The following PIP5K1C variants were observed in gnomAD, a reference collection of about 807,000 sequenced individuals.
PIP5K1C encodes phosphatidylinositol-4-phosphate 5-kinase type 1 gamma, also known as phosphatidylinositol 4-phosphate 5-kinase type-1 gamma.
In PIP5K1C, 45 loss-of-function variants were observed where a neutral mutation model predicts 80.1. The ratio of observed to expected loss-of-function variants is 0.56; its 90% confidence interval spans 0.44 to 0.72. The LOEUF is 0.72. PIP5K1C is among the 30% of genes least tolerant of loss of function. The pLI is 0.00. For missense variants in PIP5K1C, 753 were observed against 954.6 expected, an observed-to-expected ratio of 0.79 and a Z score of 2.78; for synonymous variants, 498 against 420.1, an observed-to-expected ratio of 1.19 and a Z score of -2.27.
At chr19:3,658,201 G>A (rs1251682202) in intron 5 of PIP5K1C, among the ~76,000 whole-genome samples, 1 of 152,254 alleles carries the variant, frequency 6.6e-6, no homozygotes, top group Non-Finnish European at 1.5e-5. Flanking sequence ...TCACACGTCG[G>A]TCAACACAGG....
At chr19:3,639,808 A>T (rs983324206) in intron 15 of PIP5K1C, among the ~76,000 whole-genome samples, 17 of 152,162 alleles carry the variant, frequency 1.1e-4, no homozygotes, top group Admixed American at 3.9e-4. Context: ...ATCATGGGGG[A>T]TGGAGAGGGT....
chr19:3,641,193 C>CTCT (rs2033945894), intron 15 of PIP5K1C, among the ~76,000 whole-genome samples: 1 of 151,050 alleles, frequency 6.6e-6, no homozygotes, highest in Non-Finnish European at 1.5e-5. Flanking sequence ...CCAGCCTGGG[C>CTCT]AAGAGAGCAA....
At chr19:3,658,941 G>C (rs577947988) in intron 5 of PIP5K1C, among the ~76,000 whole-genome samples, 10 of 152,208 alleles carry the variant, frequency 6.6e-5, no homozygotes, top group African/African-American at 2.4e-4. Context: ...TGGGGCTCTC[G>C]GCAGCTGCGC....
intron 5 of PIP5K1C, among the ~76,000 whole-genome samples, chr19:3,657,143 C>T (rs1276159475): frequency 6.6e-6 from 1 of 152,204 alleles, no homozygotes; most frequent in Non-Finnish European, 1.5e-5. Context: ...CCTGGCACCC[C>T]ACAGTCCAAG....
intron 10 of PIP5K1C, 139 bp from the exon 11 acceptor site, chr19:3,646,197 G>A: frequency 1.5e-6 from 1 of 659,504 alleles, no homozygotes; most frequent in South Asian, 1.7e-5. Context: ...TGGCGCCATG[G>A]CTTCCTGGGA....
Position 3,662,016 on chromosome 19 carries a change from G to A in PIP5K1C, c.220-15C>T. On this transcript the variant is annotated splice_polypyrimidine_tract_variant and intron_variant, in intron 3 of 17. Transcript: ENST00000335312. ...GAGGAGGTGGTCTGCAGGGAGACCA[G>A]AGTGTCAGGGCCCCCGGCTGCTCCC... The A allele has an allele frequency of 6.3e-7, 1 of 1,577,220 alleles. No individual in the cohort carries two copies.
chr19:3,636,930 C>T (rs1190287656), intron 16 of PIP5K1C: 30 of 1,008,172 alleles, frequency 3.0e-5, no homozygotes, highest in Non-Finnish European at 3.2e-5. Context: ...GCCCATGTGG[C>T]GTCCCAGGGG....
intron 5 of PIP5K1C, among the ~76,000 whole-genome samples, chr19:3,656,823 C>G (rs954044666): frequency 6.6e-6 from 1 of 152,202 alleles, no homozygotes; most frequent in Non-Finnish European, 1.5e-5. Flanking sequence ...TAGGAGCGGA[C>G]ACCTGATCGC....
intron 1 of PIP5K1C, among the ~76,000 whole-genome samples, chr19:3,672,923 T>C (rs1343683549): frequency 1.2e-5 from 1 of 81,074 alleles, no homozygotes; most frequent in Non-Finnish European, 2.3e-5. Context: ...GGCAGGGCCC[T>C]GGAAGGCCCA....
Position 3,643,386 on chromosome 19 carries a change from G to C in PIP5K1C, c.1511-5C>G. 1 of 1,613,238 alleles carries C rather than the reference G, an allele frequency of 6.2e-7. No homozygotes were observed. The highest frequency in any genetic ancestry group is 8.5e-7 in the Non-Finnish European group (1 of 1,179,888). ...AGGGCAGGAGGTCGGGCCGGCCTGA[G>C]GGGAGAGGACTGTGGGCACCTTGCG... On this transcript the variant is annotated splice_polypyrimidine_tract_variant and splice_region_variant and intron_variant, in intron 12 of 17. Coordinates refer to ENST00000335312, the MANE Select transcript of PIP5K1C (RefSeq NM_012398.3).
intron 1 of PIP5K1C, chr19:3,672,640 G>C (rs915930815): frequency 3.9e-5 from 6 of 152,456 alleles, no homozygotes; most frequent in African/African-American, 1.4e-4. Flanking sequence ...GAGAGGTCTG[G>C]ACAGGTGGCC....
intron 16 of PIP5K1C, chr19:3,636,714 A>C (rs1319455494): frequency 1.0e-6 from 1 of 986,396 alleles, no homozygotes; most frequent in African/African-American, 1.7e-5. Context: ...AGTGCCTGGC[A>C]CACAGAGGTG....
At chr19:3,667,426 C>T in intron 1 of PIP5K1C, 73 bp from the exon 2 acceptor site, 1 of 1,575,636 alleles carries the variant, frequency 6.3e-7, no homozygotes, top group Non-Finnish European at 8.7e-7. Flanking sequence ...AGCCCCCGGC[C>T]CACCTTCTGG....
At chr19:3,667,430 C>A (rs2035049191) in intron 1 of PIP5K1C, 77 bp from the exon 2 acceptor site, 5 of 1,541,302 alleles carry the variant, frequency 3.2e-6, no homozygotes, top group Non-Finnish European at 4.5e-6. Flanking sequence ...CCCGGCCCAC[C>A]TTCTGGCGCC....
At chr19:3,676,421 T>C (rs2035362168) in intron 1 of PIP5K1C, among the ~76,000 whole-genome samples, 1 of 152,176 alleles carries the variant, frequency 6.6e-6, no homozygotes, top group Non-Finnish European at 1.5e-5. Flanking sequence ...TTGGGTTCGG[T>C]CAACTCTAGA....
In PIP5K1C at chr19:3,687,635, C is replaced by T. The variant is rs534849957; in HGVS notation, c.94+12662G>A. Among the ~76,000 whole-genome samples, 51 of 151,012 alleles carry T rather than the reference C, an allele frequency of 3.4e-4. 1 individual carries two copies. The highest frequency in any genetic ancestry group is 1.2e-3 in the African/African-American group (50 of 41,048). ...CACACACGCACAGGCCCTCAGAGGA[C>T]ACCACAGAACACCTGCGGGACACAG... On this transcript the variant is annotated intron_variant, in intron 1 of 17. Coordinates refer to ENST00000335312, the MANE Select transcript of PIP5K1C (RefSeq NM_012398.3).
rs754070658 is a variant in PIP5K1C, at chr19:3,633,211, G to GCCCACCCCAGGC, written c.2005-54_2005-43dup. ...ACAGGTGAAGGTGGGCGGGGCGAGG[G>GCCCACCCCAGGC]CCCACCCCAGGCCCCCTGCCAGGGA... On this transcript the variant is annotated intron_variant, in intron 17 of 17. Coordinates refer to ENST00000335312, the MANE Select transcript of PIP5K1C (RefSeq NM_012398.3). 49 of 750,304 alleles carry GCCCACCCCAGGC rather than the reference G, an allele frequency of 6.5e-5. No homozygotes were observed. The African/African-American group carries it at 8.2e-4, about 13-fold the overall frequency. 46.5% of individuals were successfully genotyped at this position (750,304 alleles called of 1,614,324 possible). A position where few individuals can be genotyped will look rare whatever the true frequency, so the allele number is the denominator to read the frequency against.
chr19:3,648,335 C>G lies in PIP5K1C; in HGVS notation c.1211+290G>C, dbSNP rs2034313773. Among the ~76,000 whole-genome samples the G allele has an allele frequency of 6.6e-6, 1 of 152,212 alleles. No individual in the cohort carries two copies. On this transcript the variant is annotated intron_variant, in intron 9 of 17. Transcript: ENST00000335312. This position sits in a 1 kb window ranked among gnomAD's most constrained non-coding sequence, Gnocchi z 4.3. ...CTACGCCCAACTCACTCTAGATTTT[C>G]AAGGCGACCAAACACCTTCCCTTTA...
chr19:3,655,122 A>AT (rs1470522056), intron 6 of PIP5K1C, among the ~76,000 whole-genome samples: 1 of 139,754 alleles, frequency 7.2e-6, no homozygotes, highest in Non-Finnish European at 1.6e-5. Context: ...AAAAAAAAAA[A>AT]AAAAAAAATG....
Sources: gnomAD v4.1 joint callset for allele counts (sites outside exome capture counted in the v4.1 genomes callset) on GRCh38, gnomAD v4.1.1 for gene constraint, Gnocchi (gnomAD v3.1) non-coding constraint, MANE v1.5 for transcripts, NCBI Gene and HGNC (gene_info 2026-07-23, HGNC 2026-07-21) for gene names.